Variants in SLC13A3 observed in about 807,000 individuals in gnomAD.
SLC13A3 encodes solute carrier family 13 member 3, also known as Na(+)/dicarboxylate cotransporter 3.
Under a neutral mutation model 59.0 loss-of-function variants are expected in SLC13A3, and 40 were observed. The ratio of observed to expected loss-of-function variants is 0.68; its 90% confidence interval spans 0.53 to 0.88. The LOEUF is 0.88. Among genes scored for constraint, SLC13A3 ranks in the 40% least tolerant of loss-of-function variants. The probability of loss-of-function intolerance (pLI) is 0.00; values close to 1 mark genes in which losing one functional copy is unlikely to be tolerated. For synonymous variants in SLC13A3, 317 were observed against 330.3 expected (o/e 0.96, Z 0.44); for missense variants, 699 against 783.2 (o/e 0.89, Z 1.28).
intron 12 of SLC13A3, among the ~76,000 whole-genome samples, chr20:46,562,760 CTG>C (rs1411317943): frequency 6.6e-6 from 1 of 152,162 alleles, no homozygotes; most frequent in East Asian, 1.9e-4. Context: ...TCTGTTTGCT[CTG>C]TGTCTCCCTT....
intron 8 of SLC13A3, chr20:46,585,795 C>G (rs896282128): frequency 4.7e-6 from 6 of 1,279,826 alleles, no homozygotes; most frequent in Non-Finnish European, 6.1e-6. Context: ...ATGGTAAGAG[C>G]AACAAGAGCT....
chr20:46,682,249 AGTT>A (rs2063157099), intron 1 of SLC13A3: 1 of 152,240 alleles, frequency 6.6e-6, no homozygotes, highest in Admixed American at 6.5e-5. Context: ...TTGTAAATAA[AGTT>A]TTATTGGAAC....
chr20:46,675,201 G>A (rs1026637403), intron 1 of SLC13A3, among the ~76,000 whole-genome samples: 1 of 151,774 alleles, frequency 6.6e-6, no homozygotes, highest in African/African-American at 2.4e-5. Flanking sequence ...GTGGGGGGAA[G>A]TGGAGTGGTT....
In SLC13A3 at chr20:46,583,647, C is replaced by T. The variant is rs374263776; in HGVS notation, c.1144G>A (p.Gly382Ser). 31 of 1,613,906 alleles carry T rather than the reference C, an allele frequency of 1.9e-5. No homozygotes were observed. Among genetic ancestry groups the T allele is most frequent in the Non-Finnish European group, 2.3e-5 (27 of 1,180,016 alleles). The change falls in exon 9 of 13, where the codon GGC becomes AGC. Residue 382 changes from glycine (G) to serine (S), a missense_variant. By Grantham distance (56) the Gly-to-Ser change is moderately conservative. Coordinates refer to ENST00000279027, the MANE Select transcript of SLC13A3 (RefSeq NM_022829.6). ...AACAAGATGGTGACAATAGCCACGC[C>T]GGTGACAGCATCAGAAAGAAACCTA... The part of the protein sequence containing the change: ...NPGFLSDAVT[G>S]VAIVTILFFF...
chr20:46,652,547 A>ATTTTTTTTTTTTTT (rs11471373), upstream of SLC13A3, among the ~76,000 whole-genome samples: 5 of 117,794 alleles, frequency 4.2e-5, no homozygotes, highest in African/African-American at 1.5e-4. Flanking sequence ...TATCTGGCTA[A>ATTTTTTTTTTTTTT]TTTTTTTTTT....
intron 9 of SLC13A3, among the ~76,000 whole-genome samples, chr20:46,575,931 T>G (rs1255554606): frequency 6.6e-6 from 1 of 152,228 alleles, no homozygotes; most frequent in Non-Finnish European, 1.5e-5. Flanking sequence ...AAACTCCACA[T>G]GCAGGACATC....
intron 2 of SLC13A3, among the ~76,000 whole-genome samples, chr20:46,612,557 G>A (rs140159886): frequency 1.2e-4 from 18 of 152,002 alleles, no homozygotes; most frequent in South Asian, 2.1e-4. Flanking sequence ...TGCCGTTTGC[G>A]GTGTTAATAA....
chr20:46,571,346 C>T (rs1214817148), intron 10 of SLC13A3, among the ~76,000 whole-genome samples: 1 of 152,148 alleles, frequency 6.6e-6, no homozygotes, highest in Non-Finnish European at 1.5e-5. Context: ...TCTATCACCG[C>T]AACATATTTG....
At chr20:46,575,211 G>A (rs1272893543) in intron 10 of SLC13A3, among the ~76,000 whole-genome samples, 1 of 152,196 alleles carries the variant, frequency 6.6e-6, no homozygotes, top group South Asian at 2.1e-4. Context: ...CTCCTGGCCT[G>A]AAGCCATCCT....
At chr20:46,589,925 T>C (rs2039027783) in intron 6 of SLC13A3, among the ~76,000 whole-genome samples, 1 of 152,212 alleles carries the variant, frequency 6.6e-6, no homozygotes, top group South Asian at 2.1e-4. Flanking sequence ...TAAATTTTCA[T>C]GTGCCTTGGA....
rs6124823 is a variant in SLC13A3, at chr20:46,588,098, G to A, written c.1082C>T (p.Pro361Leu). 1.8e-5 allele frequency: 29 copies of A among 1,612,582 alleles called. No individual in the cohort carries two copies. The highest frequency in any genetic ancestry group is 6.7e-5 in the East Asian group (3 of 44,762). The change falls in exon 8 of 13, where the codon CCG becomes CTG. Residue 361 changes from proline (P) to leucine (L), a missense_variant. By Grantham distance (98) the Pro-to-Leu change is moderately conservative (BLOSUM62 -3). Coordinates refer to ENST00000279027, the MANE Select transcript of SLC13A3 (RefSeq NM_022829.6). ...MFAILLFTRD[P>L]KFIPGWASLF... ...GCTGGCCCAGCCAGGGATGAACTTC[G>A]GGTCCCGGGTGAAGAGGAGGATGGC...
intron 3 of SLC13A3, chr20:46,609,133 T>C: frequency 6.8e-7 from 1 of 1,477,756 alleles, no homozygotes; most frequent in Non-Finnish European, 9.0e-7. Context: ...ATTCAAATCT[T>C]CCTTTTAAAA....
intron 1 of SLC13A3, among the ~76,000 whole-genome samples, chr20:46,666,157 A>G (rs2063061504): frequency 6.6e-6 from 1 of 152,224 alleles, no homozygotes; most frequent in Admixed American, 6.5e-5. Context: ...TGAGAGGAAT[A>G]CTAGTGAGGA....
At chr20:46,658,894 T>C (rs1331827131) in intron 1 of SLC13A3, among the ~76,000 whole-genome samples, 1 of 152,240 alleles carries the variant, frequency 6.6e-6, no homozygotes, top group Non-Finnish European at 1.5e-5. Flanking sequence ...TTCACCTTTC[T>C]ATCATTCTAA....
intron 1 of SLC13A3, among the ~76,000 whole-genome samples, chr20:46,637,824 G>A (rs1317149604): frequency 1.3e-5 from 2 of 152,126 alleles, no homozygotes; most frequent in Non-Finnish European, 2.9e-5. Flanking sequence ...GTCCAGGAAG[G>A]CTGGTGCTAG....
chr20:46,669,202 G>C (rs1460292988), intron 1 of SLC13A3, among the ~76,000 whole-genome samples: 1 of 152,110 alleles, frequency 6.6e-6, no homozygotes, highest in Admixed American at 6.5e-5. Flanking sequence ...TTGAGTGAAG[G>C]AATATAACAC....
At chr20:46,578,764 G>A (rs138055423) in intron 9 of SLC13A3, among the ~76,000 whole-genome samples, 18 of 152,184 alleles carry the variant, frequency 1.2e-4, no homozygotes, top group Non-Finnish European at 2.2e-4. Flanking sequence ...ACAGGAAGAC[G>A]CTTTTCTAGA....
At chr20:46,589,790 A>T (rs2062235792) in intron 6 of SLC13A3, among the ~76,000 whole-genome samples, 1 of 152,232 alleles carries the variant, frequency 6.6e-6, no homozygotes, top group East Asian at 1.9e-4. Context: ...AAAACTGGAC[A>T]GCCATGTGGA....
intron 1 of SLC13A3, among the ~76,000 whole-genome samples, chr20:46,684,098 A>T (rs549942137): frequency 6.6e-6 from 1 of 152,126 alleles, no homozygotes; most frequent in South Asian, 2.1e-4. Context: ...TTGCTCACTA[A>T]TGCCGGCCAC....
Sources: gnomAD v4.1 joint callset for allele counts (sites outside exome capture counted in the v4.1 genomes callset) on GRCh38, gnomAD v4.1.1 for gene constraint, MANE v1.5 for transcripts, NCBI Gene and HGNC (gene_info 2026-07-23, HGNC 2026-07-21) for gene names.